SLC26A6: variants seen among roughly 807,000 people sequenced by gnomAD.
SLC26A6 encodes the protein anion exchange transporter.
A neutral mutation model predicts 87.1 loss-of-function variants in SLC26A6; 67 were observed. That is an observed-to-expected ratio of 0.77 (90% CI 0.63 to 0.94). The LOEUF (loss-of-function observed/expected upper bound fraction) is 0.94, where lower values mean the gene tolerates loss of function less well. SLC26A6 is among the 40% of genes least tolerant of loss of function. The probability of loss-of-function intolerance (pLI) is 0.00; values close to 1 mark genes in which losing one functional copy is unlikely to be tolerated. For missense variants in SLC26A6, 902 were observed against 973.0 expected (o/e 0.93, Z 0.97); for synonymous variants, 414 against 405.9 (o/e 1.02, Z -0.24).
chr3:48,630,899 T>G, intron 9 of SLC26A6, 94 bp downstream of exon 9: 1 of 1,571,108 alleles, frequency 6.4e-7, no homozygotes, highest in South Asian at 1.2e-5. Context: ...TCAGCACATC[T>G]GCTGTCTCCC....
Position 48,630,616 on chromosome 3 carries a change from G to A in SLC26A6, c.1239C>T (p.Gly413=), listed in dbSNP as rs758108780. The change falls in exon 10 of 21, where the codon GGC becomes GGT. Residue 413 remains glycine (G), a synonymous_variant. Coordinates refer to ENST00000395550, the MANE Select transcript of SLC26A6 (RefSeq NM_022911.3). Reference sequence around the variant, plus strand: ...CACACCCAAAGCCCACCTGCGAGTTGCCCCCGGTGCTCTCCTGTACCAGGC... The same window carrying A: ...CACACCCAAAGCCCACCTGCGAGTTACCCCCGGTGCTCTCCTGTACCAGGC... ...SRSLVQESTG[G]NSQVAGAISS... 1 of 1,580,452 alleles carries A rather than the reference G, an allele frequency of 6.3e-7. No individual in the cohort carries two copies. Among genetic ancestry groups the A allele is most frequent in the South Asian group, 1.1e-5 (1 of 86,996 alleles).
In SLC26A6 at chr3:48,629,879, T is replaced by C; in HGVS notation, c.1522A>G (p.Thr508Ala). The C allele has an allele frequency of 6.2e-7, 1 of 1,614,058 alleles. No homozygotes were observed. The highest frequency in any genetic ancestry group is 8.5e-7 in the Non-Finnish European group (1 of 1,180,024). Residue 508 changes from threonine to alanine, a missense_variant, in exon 13 of 21, where the codon ACA (threonine) becomes GCA (alanine). Physicochemically the swap from Thr to Ala is moderately conservative, Grantham distance 58. Transcript: ENST00000395550. ...CCAACATGGCGGACTCACATCTGTGTCCGGACCACCACGAGCAGCAGGGAG... is the reference window on the plus strand; with the variant it reads ...CCAACATGGCGGACTCACATCTGTGCCCGGACCACCACGAGCAGCAGGGAG... ...IFSLLLVVVR[T>A]QMPHYSVLGQ...
chr3:48,632,183 G>A (rs1271530769), intron 5 of SLC26A6, 62 bp downstream of exon 5: 2 of 1,576,422 alleles, frequency 1.3e-6, no homozygotes. Flanking sequence ...GGGGAGTACA[G>A]ACAGGACAGT....
intron 20 of SLC26A6, 29 bp downstream of exon 20, chr3:48,626,189 A>G (rs2046615415): frequency 6.2e-7 from 1 of 1,613,646 alleles, no homozygotes; most frequent in African/African-American, 1.3e-5. Flanking sequence ...TTAACAAAAA[A>G]GAGCTTGGCA....
rs982346588 is a variant in SLC26A6, at chr3:48,628,361, G to A, written c.1800+73C>T. 5.9e-5 allele frequency: 94 copies of A among 1,585,028 alleles called. No individual in the cohort carries two copies. Among genetic ancestry groups the A allele is most frequent in the Non-Finnish European group, 7.2e-5 (83 of 1,160,034 alleles). ...GAGGAGTGAGGACGAGGGAGGAGTC[G>A]GGGGCCAGGAGAAAGGCTGGGGCAG... On this transcript the variant is annotated intron_variant, in intron 16 of 20. Coordinates refer to ENST00000395550, the MANE Select transcript of SLC26A6 (RefSeq NM_022911.3). This position sits in a 1 kb window ranked among gnomAD's most constrained non-coding sequence, Gnocchi z 4.4.
Position 48,628,160 on chromosome 3 carries a change from G to T in SLC26A6, c.1801-122C>A. ...TGGGTGGGCCAGGACCAGAAGCTGT[G>T]GGACCTGCAGCAGCCAGGCTGAAGC... On this transcript the variant is annotated intron_variant, in intron 16 of 20. Transcript: ENST00000395550. This position sits in a 1 kb window ranked among gnomAD's most constrained non-coding sequence, Gnocchi z 4.4. 1 of 932,054 alleles carries T rather than the reference G, an allele frequency of 1.1e-6. No individual in the cohort carries two copies. The allele number at this position is 932,054 out of a possible 1,614,324, so 57.7% of individuals were successfully genotyped here.
chr3:48,630,964 G>A lies in SLC26A6; in HGVS notation c.1134+29C>T, dbSNP rs201165435. On this transcript the variant is annotated intron_variant, in intron 9 of 20. Coordinates refer to ENST00000395550, the MANE Select transcript of SLC26A6 (RefSeq NM_022911.3). ...TGCTGGCGCCTCCATACACTTGGAT[G>A]CCTCCTACACATCCCGCATCACCCA... The A allele has an allele frequency of 5.8e-5, 93 of 1,610,618 alleles. 1 individual carries two copies. The East Asian group carries it at 1.9e-3, about 33-fold the overall frequency.
rs769315273 is a variant in SLC26A6 at position 48,632,062 on chromosome 3, G to C, written c.586-18C>G. ...AGCCCCACCTGTGGGGCGGCCAGGG[G>C]CAGTCAGGAGAGGCAGGGGTCCTGG... On this transcript the variant is annotated intron_variant, in intron 5 of 20. Coordinates refer to ENST00000395550, the MANE Select transcript of SLC26A6 (RefSeq NM_022911.3). The C allele has an allele frequency of 3.1e-6, 5 of 1,612,322 alleles. No individual in the cohort carries two copies. Among genetic ancestry groups the C allele is most frequent in the African/African-American group, 1.3e-5 (1 of 74,898 alleles).
intron 1 of SLC26A6, 71 bp downstream of exon 1, chr3:48,635,300 G>GC (rs1553624361): frequency 6.5e-7 from 1 of 1,534,196 alleles, no homozygotes; most frequent in Non-Finnish European, 8.8e-7. Flanking sequence ...CCAGCGAGGC[G>GC]TCGCAAGCGG....
At chr3:48,632,591 A>C in intron 4 of SLC26A6, 195 bp from the exon 5 acceptor site, 1 of 766,768 alleles carries the variant, frequency 1.3e-6, no homozygotes, top group Non-Finnish European at 2.2e-6. Context: ...CAGGCCCTTA[A>C]GCATGGCTAG....
intron 17 of SLC26A6, 131 bp from the exon 18 acceptor site, chr3:48,627,186 G>A (rs1226605149): frequency 7.3e-6 from 8 of 1,097,760 alleles, no homozygotes; most frequent in African/African-American, 3.1e-5. Flanking sequence ...ACAAACATGC[G>A]GGAGTCACAT....
At chr3:48,632,687 G>A in intron 4 of SLC26A6, 1 of 687,768 alleles carries the variant, frequency 1.5e-6, no homozygotes. Context: ...TAGGGAAGGG[G>A]TCAGGGCTGG....
At chr3:48,632,751 C>A in intron 4 of SLC26A6, 1 of 676,894 alleles carries the variant, frequency 1.5e-6, no homozygotes, top group Admixed American at 2.2e-5. Context: ...CTGCCTCACC[C>A]ACTCTCATCT....
chr3:48,635,250 C>A, intron 1 of SLC26A6, 121 bp downstream of exon 1: 2 of 1,347,014 alleles, frequency 1.5e-6, no homozygotes, highest in Non-Finnish European at 2.0e-6. Context: ...AGAAAATCAG[C>A]AGAGGTAAAC....
At position 48,627,951 on chromosome 3, in the gene SLC26A6, T is replaced by C. The variant is rs2046671619; in HGVS notation, c.1888A>G (p.Met630Val). The change falls in exon 17 of 21, where the codon ATG (methionine) becomes GTG (valine). Residue 630 changes from methionine to valine, a missense_variant. Physicochemically the swap from Met to Val is conservative, Grantham distance 21. Coordinates refer to ENST00000395550, the MANE Select transcript of SLC26A6 (RefSeq NM_022911.3). ...TTTCCCACCTCCAGTCTCACCATCA[T>C]CTTGCAGTCCTCAACGTTGTTGCTC... ...MRSNNVEDCK[M>V]MQVSSGDKME... The C allele has an allele frequency of 6.3e-7, 1 of 1,587,488 alleles. No individual in the cohort carries two copies.
rs780123926 is a variant in SLC26A6, at chr3:48,631,032, G to A, written c.1095C>T (p.Ile365=). The A allele has an allele frequency of 8.7e-6, 14 of 1,613,752 alleles. No individual in the cohort carries two copies. Among genetic ancestry groups the A allele is most frequent in the Non-Finnish European group, 1.2e-5 (14 of 1,180,038 alleles). ...GFAIAISLGK[I]FALRHGYRVD... ...CCCGGTAGCCGTGCCTCAGGGCGAA[G>A]ATCTTCCCCAGTGAGATGGCAATGG... Residue 365 remains isoleucine (I), a synonymous_variant, in exon 9 of 21, where the codon ATC becomes ATT. Transcript: ENST00000395550.
At position 48,631,960 on chromosome 3, in the gene SLC26A6, C is replaced by G. The variant is rs536270646; in HGVS notation, c.670G>C (p.Val224Leu). 5 of 1,613,560 alleles carry G rather than the reference C, an allele frequency of 3.1e-6. No homozygotes were observed. Among genetic ancestry groups the G allele is most frequent in the Middle Eastern group, 1.6e-4 (1 of 6,062 alleles). Reference sequence around the variant, plus strand: ...TTGAGCTGTGAGACGAAGACCTGCACAGCTGCAGCTGTGGTATAGCCTCGG... The same window carrying G: ...TTGAGCTGTGAGACGAAGACCTGCAGAGCTGCAGCTGTGGTATAGCCTCGG... ...LVRGYTTAAA[V>L]QVFVSQLKYV... Residue 224 changes from valine to leucine, a missense_variant, in exon 6 of 21, where the codon GTG becomes CTG. This residue lies in a region of SLC26A6 where 800 missense variants were observed against 856.8 expected (regional missense o/e 0.93). Coordinates refer to ENST00000395550, the MANE Select transcript of SLC26A6 (RefSeq NM_022911.3).
rs2046618480 is a variant in SLC26A6 at position 48,626,261 on chromosome 3, A to G, written c.2222T>C (p.Phe741Ser). Residue 741 changes from phenylalanine (F) to serine (S), a missense_variant, in exon 20 of 21, where the codon TTT (phenylalanine) becomes TCT (serine). By Grantham distance (155) the Phe-to-Ser change is radical. Coordinates refer to ENST00000395550, the MANE Select transcript of SLC26A6 (RefSeq NM_022911.3). ...LFASVHDAVT[F>S]ALQHPRPVPD... ...GACAGGCCTCGGGTGTTGGAGGGCAAAGGTGACAGCATCATGGACAGAGGC... is the reference window on the plus strand; with the variant it reads ...GACAGGCCTCGGGTGTTGGAGGGCAGAGGTGACAGCATCATGGACAGAGGC... 1 of 1,614,048 alleles carries G rather than the reference A, an allele frequency of 6.2e-7. No homozygotes were observed. Among genetic ancestry groups the G allele is most frequent in the Admixed American group, 1.7e-5 (1 of 60,014 alleles).
At chr3:48,630,883 G>A (rs1005290058) in intron 9 of SLC26A6, 110 bp downstream of exon 9, 19 of 1,548,442 alleles carry the variant, frequency 1.2e-5, no homozygotes, top group African/African-American at 4.1e-5. Context: ...AGTCCCCCAC[G>A]TGGCCTCAGC....
Sources: gnomAD v4.1 joint callset for allele counts on GRCh38, gnomAD v4.1.1 for gene constraint, gnomAD v4.1.1 regional missense constraint, Gnocchi (gnomAD v3.1) non-coding constraint, MANE v1.5 for transcripts, NCBI Gene and HGNC (gene_info 2026-07-23, HGNC 2026-07-21) for gene names.